The following ARHGAP29 variants were observed in gnomAD, a reference collection of about 807,000 sequenced individuals.
ARHGAP29 encodes the protein rho GTPase-activating protein 29.
A neutral mutation model predicts 122.6 loss-of-function variants in ARHGAP29; 43 were observed. That is an observed-to-expected ratio of 0.35 (90% CI 0.27 to 0.45). The LOEUF (loss-of-function observed/expected upper bound fraction) is 0.45. ARHGAP29 is among the 20% of genes least tolerant of loss of function. The pLI is 1.00. For synonymous variants in ARHGAP29, 506 were observed against 497.1 expected (o/e 1.02, Z -0.24); for missense variants, 1,303 against 1,477.2 (o/e 0.88, Z 1.93).
At chr1:94,297,959 GC>G in the ARHGAP29 span, among the ~76,000 whole-genome samples, 1 of 152,168 alleles carries the variant, frequency 6.6e-6, no homozygotes, top group Non-Finnish European at 1.5e-5. Context: ...CCTCCAAACT[GC>G]AGTTCCATGA....
chr1:94,278,365 C>A (rs1411597834), upstream of ARHGAP29, among the ~76,000 whole-genome samples: 1 of 151,902 alleles, frequency 6.6e-6, no homozygotes, highest in Non-Finnish European at 1.5e-5. Flanking sequence ...CTTTAAGAAA[C>A]TCTTTCAAGG....
At chr1:94,219,661 T>C (rs1418700302) in intron 3 of ARHGAP29, among the ~76,000 whole-genome samples, 1 of 152,206 alleles carries the variant, frequency 6.6e-6, no homozygotes, top group Non-Finnish European at 1.5e-5. Flanking sequence ...CTCTCAATCC[T>C]TCTTTTATAT....
the ARHGAP29 span, among the ~76,000 whole-genome samples, chr1:94,308,149 G>T: frequency 6.6e-6 from 1 of 152,180 alleles, no homozygotes; most frequent in African/African-American, 2.4e-5. Flanking sequence ...GGGAGAAATA[G>T]ACTTTAATCA....
the ARHGAP29 span, among the ~76,000 whole-genome samples, chr1:94,303,469 A>G: frequency 6.6e-6 from 1 of 152,176 alleles, no homozygotes; most frequent in South Asian, 2.1e-4. Flanking sequence ...GCAAGATGAA[A>G]GTGTTCTGGA....
rs992132444 is a variant in ARHGAP29 at position 94,191,572 on chromosome 1, T to C, written c.1282-1489A>G. ...ACAGTTTAATTCTAGCAACTGGCTA[T>C]GTTAGAGCATTCTCCAGCTAAAGGT... On this transcript the variant is annotated intron_variant, in intron 12 of 22. Coordinates refer to ENST00000260526, the MANE Select transcript of ARHGAP29 (RefSeq NM_004815.4). The C allele has an allele frequency of 1.2e-4, 19 of 152,200 alleles. 1 individual carries two copies. Among genetic ancestry groups the C allele is most frequent in the African/African-American group, 4.6e-4 (19 of 41,456 alleles). The allele number at this position is 152,200 out of a possible 1,614,324, so 9.4% of individuals were successfully genotyped here.
Position 94,202,625 on chromosome 1 carries a change from C to T in ARHGAP29, c.1062G>A (p.Leu354=), listed in dbSNP as rs1224951785. 13 of 1,614,192 alleles carry T rather than the reference C, an allele frequency of 8.1e-6. No homozygotes were observed. The highest frequency in any genetic ancestry group is 1.1e-5 in the Non-Finnish European group (13 of 1,180,032). ...TTTTTGCTAATCCGCCACTTGAAGACAGATGCTCCTCTTCTGCACGAAACA... is the reference window on the plus strand; with the variant it reads ...TTTTTGCTAATCCGCCACTTGAAGATAGATGCTCCTCTTCTGCACGAAACA... ...SSMFRAEEEH[L]SSSGGLAKNL... is the part of the protein sequence containing the mutation. Residue 354 remains leucine (L), a synonymous_variant, in exon 11 of 23, where the codon CTG becomes CTA. Transcript: ENST00000260526.
At chr1:94,256,226 T>C (rs182982575) in intron 1 of ARHGAP29, among the ~76,000 whole-genome samples, 10 of 151,320 alleles carry the variant, frequency 6.6e-5, no homozygotes, top group Admixed American at 2.0e-4. Context: ...TATTCCTCTC[T>C]GTATGTTTTA....
Position 94,182,803 on chromosome 1 carries a change from CA to C in ARHGAP29, c.2247+1347del, listed in dbSNP as rs1290032842. On this transcript the variant is annotated intron_variant, in intron 19 of 22. Transcript: ENST00000260526. The stretch of plus-strand genomic sequence containing the variant: ...TGCTCAAGTATGGGCATGACCAAAA[CA>C]GGAGAATAAAACAAAACAAAACAAA... Among the ~76,000 whole-genome samples the C allele has an allele frequency of 2.2e-5, 3 of 136,996 alleles. No individual in the cohort carries two copies. The Admixed American group carries it at 2.3e-4, about 10-fold the overall frequency. The allele number at this position is 136,996 out of a possible 152,430, so 89.9% of individuals were successfully genotyped here.
the ARHGAP29 span, chr1:94,302,286 C>T: frequency 7.8e-6 from 2 of 256,756 alleles, no homozygotes; most frequent in Non-Finnish European, 1.6e-5. Context: ...CACAGGGTGA[C>T]GCTGGTGCTG....
the ARHGAP29 span, among the ~76,000 whole-genome samples, chr1:94,304,194 C>T: frequency 6.6e-6 from 1 of 152,192 alleles, no homozygotes; most frequent in Non-Finnish European, 1.5e-5. Flanking sequence ...GGATGGAGTG[C>T]AGTGGCGCCA....
rs1999272 is a variant in ARHGAP29, at chr1:94,173,891, C to T, written c.3764G>A (p.Gly1255Asp). 1,589,214 of 1,602,914 alleles carry T rather than the reference C, an allele frequency of 0.99. 788,786 individuals carry two copies. The highest frequency in any genetic ancestry group is 1 in the East Asian group (44,590 of 44,592). ...KRMQQFEDLE[G>D]EIPQFV Reference sequence around the variant, plus strand: ...TCCCTACACAAATTGTGGAATTTCACCTTCGAGGTCTTCAAACTGTTGCAT... The same window carrying T: ...TCCCTACACAAATTGTGGAATTTCATCTTCGAGGTCTTCAAACTGTTGCAT... The change falls in exon 23 of 23, where the codon GGT (glycine) becomes GAT (aspartate). Residue 1255 changes from glycine to aspartate, a missense_variant. Gly to Asp is a moderately conservative substitution (Grantham distance 94). Around this residue, in one of 3 missense-constraint regions of ARHGAP29, gnomAD observed 620 missense variants for 651.2 expected, o/e 0.95. Coordinates refer to ENST00000260526, the MANE Select transcript of ARHGAP29 (RefSeq NM_004815.4).
intron 15 of ARHGAP29, among the ~76,000 whole-genome samples, chr1:94,187,489 T>G (rs1425456374): frequency 6.6e-6 from 1 of 152,216 alleles, no homozygotes; most frequent in Non-Finnish European, 1.5e-5. Context: ...TTTCTTATAT[T>G]ACTGAACAGA....
intron 5 of ARHGAP29, among the ~76,000 whole-genome samples, chr1:94,206,194 T>C (rs113746167): frequency 6.6e-6 from 1 of 152,214 alleles, no homozygotes; most frequent in African/African-American, 2.4e-5. Flanking sequence ...ATGTAGCTAT[T>C]TGAACATTTA....
At chr1:94,230,776 C>T (rs1652878241) in intron 2 of ARHGAP29, among the ~76,000 whole-genome samples, 1 of 151,678 alleles carries the variant, frequency 6.6e-6, no homozygotes, top group African/African-American at 2.4e-5. Context: ...CAAATTTAGA[C>T]CTAAGAGGCA....
intron 1 of ARHGAP29, among the ~76,000 whole-genome samples, chr1:94,243,238 AG>A (rs1653669853): frequency 3.9e-4 from 1 of 2,558 alleles, no homozygotes; most frequent in East Asian, 0.011. Context: ...ACCAAAAAAC[AG>A]CAGAATATGC....
Position 94,174,564 on chromosome 1 carries a change from G to A in ARHGAP29, c.3091C>T (p.Pro1031Ser), listed in dbSNP as rs1342078130. ...PVDRLLLASP[P>S]NERNGRNMGN... ...ATATTTCTGCCATTTCTCTCATTAG[G>A]AGGACTTGCAAGAAGTAGTCTATCT... The change falls in exon 23 of 23, where the codon CCT becomes TCT. Residue 1031 changes from proline (P) to serine (S), a missense_variant. By Grantham distance (74) the Pro-to-Ser change is moderately conservative. Coordinates refer to ENST00000260526, the MANE Select transcript of ARHGAP29 (RefSeq NM_004815.4). 1 of 1,614,148 alleles carries A rather than the reference G, an allele frequency of 6.2e-7. No homozygotes were observed. Among genetic ancestry groups the A allele is most frequent in the Non-Finnish European group, 8.5e-7 (1 of 1,180,028 alleles).
At position 94,210,183 on chromosome 1, in the gene ARHGAP29, G is replaced by C. The variant is rs188714033; in HGVS notation, c.341-833C>G. On this transcript the variant is annotated intron_variant, in intron 3 of 22. Coordinates refer to ENST00000260526, the MANE Select transcript of ARHGAP29 (RefSeq NM_004815.4). ...TGTTGCTACTTGGGCTGGGTATAAA[G>C]AGTAACTGGTTCCCTATATGACCCC... 2.8e-4 allele frequency among the ~76,000 whole-genome samples: 43 copies of C among 152,288 alleles called. No individual in the cohort carries two copies. In the East Asian group the frequency reaches 7.9e-3, roughly 28 times the overall value.
chr1:94,194,415 A>C (rs1425922000), intron 12 of ARHGAP29: 2 of 152,180 alleles, frequency 1.3e-5, no homozygotes, highest in East Asian at 1.9e-4. Flanking sequence ...GTACTACTAC[A>C]TCTGTATGTT....
chr1:94,169,662 T>C lies in ARHGAP29; in HGVS notation c.*4207A>G, dbSNP rs969237840. 6.6e-6 allele frequency among the ~76,000 whole-genome samples: 1 copy of C among 152,198 alleles called. No individual in the cohort carries two copies. The highest frequency in any genetic ancestry group is 2.4e-5 in the African/African-American group (1 of 41,450). ...CGTTTTCCTTTGAGCTGTTCACCAATAAGACAGTGAGCCTTTCTCAGGTCT... is the reference window on the plus strand; with the variant it reads ...CGTTTTCCTTTGAGCTGTTCACCAACAAGACAGTGAGCCTTTCTCAGGTCT... On this transcript the variant is annotated 3_prime_UTR_variant, in exon 23 of 23. Coordinates refer to ENST00000260526, the MANE Select transcript of ARHGAP29 (RefSeq NM_004815.4).
Sources: gnomAD v4.1 joint callset for allele counts (sites outside exome capture counted in the v4.1 genomes callset) on GRCh38, gnomAD v4.1.1 for gene constraint, gnomAD v4.1.1 regional missense constraint, MANE v1.5 for transcripts, NCBI Gene and HGNC (gene_info 2026-07-23, HGNC 2026-07-21) for gene names.